L3MBTL4: variants seen among roughly 807,000 people sequenced by gnomAD.
L3MBTL4 encodes the protein lethal(3)malignant brain tumor-like protein 4.
In L3MBTL4, 70 loss-of-function variants were observed where a neutral mutation model predicts 84.5. That is an observed-to-expected ratio of 0.83 (90% CI 0.68 to 1.01). The LOEUF is 1.01. L3MBTL4 is among the 50% of genes least tolerant of loss of function. L3MBTL4 has a pLI of 0.00. For missense variants in L3MBTL4, 715 were observed against 754.8 expected (o/e 0.95, Z 0.62); for synonymous variants, 274 against 259.8 (o/e 1.05, Z -0.52).
At position 5,965,570 on chromosome 18, in the gene L3MBTL4, G is replaced by A. The variant is rs372224369; in HGVS notation, c.1614+3823C>T. ...CATTCACATCATTGCTGCCCTGCTC[G>A]TCATTTTTACTGTGGCCTCTCTAAG... On this transcript the variant is annotated intron_variant, in intron 17 of 18. Transcript: ENST00000317931. 1.4e-4 allele frequency among the ~76,000 whole-genome samples: 22 copies of A among 152,232 alleles called. No individual in the cohort carries two copies. The East Asian group carries it at 2.7e-3, about 19-fold the overall frequency.
At chr18:6,161,955 G>A (rs901125162) in intron 13 of L3MBTL4, among the ~76,000 whole-genome samples, 11 of 150,328 alleles carry the variant, frequency 7.3e-5, no homozygotes, top group African/African-American at 2.4e-4. Context: ...ATCTAAGAAA[G>A]CTAAGAGAGA....
chr18:6,414,390 G>A lies in L3MBTL4; in HGVS notation c.-91+411C>T, dbSNP rs747098301. On this transcript the variant is annotated intron_variant, in intron 1 of 18. Coordinates refer to ENST00000317931, the MANE Select transcript of L3MBTL4 (RefSeq NM_001330559.2). This position sits in a 1 kb window ranked among gnomAD's most constrained non-coding sequence, Gnocchi z 5.4. ...ACCGCCGGGCGCTCGATGGCCGGAG[G>A]ACTGCCTGGGGGCCCTCAGGAGTCC... 6.6e-6 allele frequency among the ~76,000 whole-genome samples: 1 copy of A among 152,116 alleles called. No individual in the cohort carries two copies. The highest frequency in any genetic ancestry group is 2.4e-5 in the African/African-American group (1 of 41,438).
chr18:6,107,015 T>C (rs1598767083), intron 14 of L3MBTL4, among the ~76,000 whole-genome samples: 1 of 152,212 alleles, frequency 6.6e-6, no homozygotes, highest in East Asian at 1.9e-4. Context: ...TAATTATGTA[T>C]ATGTTTAAAA....
At chr18:6,327,280 T>C (rs903516166) in intron 1 of L3MBTL4, among the ~76,000 whole-genome samples, 6 of 152,170 alleles carry the variant, frequency 3.9e-5, no homozygotes, top group African/African-American at 9.7e-5. Context: ...TCTAGATAGA[T>C]AGAAAACCTC....
chr18:6,164,074 C>T (rs958921634), intron 13 of L3MBTL4, among the ~76,000 whole-genome samples: 7 of 152,194 alleles, frequency 4.6e-5, no homozygotes, highest in Admixed American at 6.5e-5. Context: ...CACGGAGCCT[C>T]GCTCATTGCT....
chr18:6,029,345 A>T (rs2055664402), intron 16 of L3MBTL4: 9 of 591,928 alleles, frequency 1.5e-5, no homozygotes, highest in Middle Eastern at 8.7e-4. Flanking sequence ...GTTCAAGGGG[A>T]AAATTAGAAT....
chr18:6,255,046 G>A (rs201182079), intron 5 of L3MBTL4, among the ~76,000 whole-genome samples: 6 of 152,120 alleles, frequency 3.9e-5, no homozygotes, highest in African/African-American at 7.2e-5. Context: ...GGCCATCACC[G>A]AACTGATTCC....
At position 6,041,829 on chromosome 18, in the gene L3MBTL4, A is replaced by ATCT. The variant is rs368115191; in HGVS notation, c.1444+39049_1444+39051dup. Among the ~76,000 whole-genome samples, 536 of 151,912 alleles carry ATCT rather than the reference A, an allele frequency of 3.5e-3. 5 individuals are homozygous for ATCT. Among genetic ancestry groups the ATCT allele is most frequent in the African/African-American group, 0.012 (515 of 41,420 alleles). On this transcript the variant is annotated intron_variant, in intron 16 of 18. Transcript: ENST00000317931. The stretch of plus-strand genomic sequence containing the variant: ...AGCCTGAACCTCCCAGGCTCAAGTG[A>ATCT]TCTTCCCATCTCAACCTCCTGAGTA...
chr18:6,241,480 CA>C, intron 7 of L3MBTL4, 31 bp from the exon 8 acceptor site: 1 of 1,210,000 alleles, frequency 8.3e-7, no homozygotes, highest in South Asian at 1.3e-5. Context: ...TCAAAATACC[CA>C]AAAGATGTAA....
intron 15 of L3MBTL4, among the ~76,000 whole-genome samples, chr18:6,090,276 A>G (rs2058398222): frequency 6.6e-6 from 1 of 152,164 alleles, no homozygotes; most frequent in Non-Finnish European, 1.5e-5. Flanking sequence ...CAGTACATAT[A>G]TAAATCTCTC....
At chr18:6,345,107 T>C (rs922379994) in intron 1 of L3MBTL4, among the ~76,000 whole-genome samples, 19 of 150,476 alleles carry the variant, frequency 1.3e-4, no homozygotes, top group African/African-American at 4.4e-4. Flanking sequence ...CGGTAGCTCA[T>C]GCATGTAATC....
At chr18:6,183,405 G>C (rs149266420) in intron 12 of L3MBTL4, among the ~76,000 whole-genome samples, 1 of 152,170 alleles carries the variant, frequency 6.6e-6, no homozygotes, top group Admixed American at 6.5e-5. Flanking sequence ...CCGACGCTGC[G>C]CCTTCACTGC....
chr18:6,203,682 C>T (rs1486904513), intron 12 of L3MBTL4, among the ~76,000 whole-genome samples: 1 of 152,168 alleles, frequency 6.6e-6, no homozygotes, highest in East Asian at 1.9e-4. Context: ...TTCCTTGCTC[C>T]TGTTTAAGAA....
intron 1 of L3MBTL4, among the ~76,000 whole-genome samples, chr18:6,349,293 C>T (rs911622268): frequency 2.0e-5 from 3 of 152,138 alleles, no homozygotes; most frequent in Admixed American, 1.3e-4. Flanking sequence ...TCAAAACATC[C>T]ATTTATAGTA....
chr18:6,206,319 T>C (rs1020134230), intron 12 of L3MBTL4, among the ~76,000 whole-genome samples: 1 of 152,202 alleles, frequency 6.6e-6, no homozygotes, highest in Admixed American at 6.5e-5. Context: ...TAAGAACAAC[T>C]AGTGCTACAT....
intron 3 of L3MBTL4, among the ~76,000 whole-genome samples, chr18:6,306,547 C>T (rs2050594620): frequency 6.6e-6 from 1 of 152,172 alleles, no homozygotes; most frequent in Non-Finnish European, 1.5e-5. Flanking sequence ...TCACCCCAAA[C>T]ATTTTCTCAG....
At chr18:6,058,695 G>C (rs1267378274) in intron 16 of L3MBTL4, among the ~76,000 whole-genome samples, 1 of 152,112 alleles carries the variant, frequency 6.6e-6, no homozygotes, top group African/African-American at 2.4e-5. Context: ...GAGGAATGAT[G>C]AATAAAGGAG....
intron 8 of L3MBTL4, 120 bp from the exon 9 acceptor site, chr18:6,239,992 C>G (rs1194557486): frequency 9.6e-6 from 9 of 937,950 alleles, no homozygotes; most frequent in Admixed American, 4.9e-5. Context: ...AGCACTTAGC[C>G]TCTGGACAAA....
chr18:6,223,346 C>CA (rs1420962736), intron 10 of L3MBTL4, among the ~76,000 whole-genome samples: 5 of 151,976 alleles, frequency 3.3e-5, no homozygotes, highest in South Asian at 2.1e-4. Context: ...ATGTTTAACA[C>CA]AAAAATGCTG....
Sources: gnomAD v4.1 joint callset for allele counts (sites outside exome capture counted in the v4.1 genomes callset) on GRCh38, gnomAD v4.1.1 for gene constraint, Gnocchi (gnomAD v3.1) non-coding constraint, MANE v1.5 for transcripts, NCBI Gene and HGNC (gene_info 2026-07-23, HGNC 2026-07-21) for gene names.